PRODH: variants seen among roughly 807,000 people sequenced by gnomAD.
The protein encoded by PRODH is proline dehydrogenase 1, mitochondrial.
For missense variants in PRODH, 3 were observed against 24.1 expected (o/e 0.12, Z 1.83); for synonymous variants, 3 against 10.4 (o/e 0.29, Z 1.37).
rs113399646 is a variant in PRODH at position 18,917,340 on chromosome 22, G to A, written c.1428-352C>T. ...ACAGCTTTGCTTCTGGGGAGGGATC[G>A]TACAGTGCACCCCTGGCCCTGCAAG... On this transcript the variant is annotated intron_variant, in intron 11 of 13. Coordinates refer to ENST00000357068, the MANE Select transcript of PRODH (RefSeq NM_016335.6). 1.2e-3 allele frequency among the ~76,000 whole-genome samples: 42 copies of A among 35,948 alleles called. 14 individuals carry two copies. The highest frequency in any genetic ancestry group is 2.3e-3 in the Admixed American group (5 of 2,160). The allele number at this position is 35,948 out of a possible 152,430, so 23.6% of individuals were successfully genotyped here.
rs200018716 is a variant in PRODH, at chr22:18,918,342, G to A, written c.1401C>T (p.Tyr467=). The change falls in exon 11 of 14, where the codon TAC becomes TAT. Residue 467 remains tyrosine (Y), a synonymous_variant. Coordinates refer to ENST00000357068, the MANE Select transcript of PRODH (RefSeq NM_016335.6). ...IGYEDPINPT[Y]EATNAMYHRC... ...TGTGGTACATGGCGTTGGTGGCCTC[G>A]TACGTGGGGTTGATGGGGTCCTCAT... The A allele has an allele frequency of 1.2e-3, 269 of 215,226 alleles. 9 individuals are homozygous for A. The highest frequency in any genetic ancestry group is 7.5e-3 in the South Asian group (159 of 21,336). The allele number at this position is 215,226 out of a possible 1,614,324, so 13.3% of individuals were successfully genotyped here.
intron 2 of PRODH, among the ~76,000 whole-genome samples, chr22:18,928,005 GAGC>G (rs997890220): frequency 1.7e-4 from 7 of 40,134 alleles, no homozygotes; most frequent in African/African-American, 4.8e-4. Context: ...AGCACCCTGG[GAGC>G]AGCTGATTCA....
intron 10 of PRODH, 44 bp from the exon 11 acceptor site, chr22:18,918,535 C>T (rs1394993590): frequency 1.4e-5 from 1 of 73,538 alleles, no homozygotes; most frequent in Admixed American, 2.2e-4. Flanking sequence ...TGGGCAAGCC[C>T]AAGTGACAGC....
At chr22:18,933,267 GCTAA>G (rs746958195) in intron 1 of PRODH, among the ~76,000 whole-genome samples, 2 of 62,384 alleles carry the variant, frequency 3.2e-5, no homozygotes, top group Non-Finnish European at 6.1e-5. Flanking sequence ...ACCACACTCA[GCTAA>G]CTTTTATTTT....
At chr22:18,926,264 CG>C (rs377646852) in intron 2 of PRODH, among the ~76,000 whole-genome samples, 3 of 40,860 alleles carry the variant, frequency 7.3e-5, no homozygotes, top group African/African-American at 2.0e-4. Context: ...ATTCTTGCCC[CG>C]ACACTTCTTT....
chr22:18,933,837 C>G (rs2146222716), intron 1 of PRODH, among the ~76,000 whole-genome samples: 1 of 94,710 alleles, frequency 1.1e-5, no homozygotes, highest in Non-Finnish European at 2.6e-5. Context: ...AGCCCCACAT[C>G]TTCTTCAGGT....
intron 11 of PRODH, among the ~76,000 whole-genome samples, chr22:18,917,325 T>G (rs2540623): frequency 2.8e-5 from 1 of 36,118 alleles, no homozygotes; most frequent in African/African-American, 4.7e-5. Flanking sequence ...ACAGCTTTGC[T>G]TCTGGGGAGG....
rs1004292580 is a variant in PRODH, at chr22:18,917,001, C to T, written c.1428-13G>A. The T allele has an allele frequency of 2.0e-5, 3 of 147,588 alleles. 1 individual carries two copies. The highest frequency in any genetic ancestry group is 4.4e-5 in the Non-Finnish European group (3 of 67,896). 9.1% of individuals were successfully genotyped at this position (147,588 alleles called of 1,614,324 possible). On this transcript the variant is annotated splice_polypyrimidine_tract_variant and intron_variant, in intron 11 of 13. Transcript: ENST00000357068. Reference sequence around the variant, plus strand: ...GTAGTCCAGGCACCTGTGGAGAGTGCCATGTGAGCCCAGTTCCAGGCCTGT... The same window carrying T: ...GTAGTCCAGGCACCTGTGGAGAGTGTCATGTGAGCCCAGTTCCAGGCCTGT...
At position 18,918,367 on chromosome 22, in the gene PRODH, T is replaced by C. The variant is rs746649624; in HGVS notation, c.1376A>G (p.Tyr459Cys). The part of the protein sequence containing the change: ...QERARAAEIG[Y>C]EDPINPTYEA... ...GTACGTGGGGTTGATGGGGTCCTCA[T>C]AGCCGATCTCTGCCGCACGGGCTCG... Residue 459 changes from tyrosine (Y) to cysteine (C), a missense_variant, in exon 11 of 14, where the codon TAT (tyrosine) becomes TGT (cysteine). Transcript: ENST00000357068. The C allele has an allele frequency of 4.3e-6, 1 of 234,644 alleles. No individual in the cohort carries two copies. Among genetic ancestry groups the C allele is most frequent in the South Asian group, 4.3e-5 (1 of 23,498 alleles). The allele number at this position is 234,644 out of a possible 1,614,324, so 14.5% of individuals were successfully genotyped here.
rs111316970 is a variant in PRODH at position 18,912,941 on chromosome 22, G to A, written c.*234C>T. ...GTGGGGGCCTTGGGCCCACACATTC[G>A]AGGAGAGTTCCCAAAAGTTTCCAGT... On this transcript the variant is annotated 3_prime_UTR_variant, in exon 14 of 14. Coordinates refer to ENST00000357068, the MANE Select transcript of PRODH (RefSeq NM_016335.6). 2 of 40,738 alleles carry A rather than the reference G, an allele frequency of 4.9e-5. No homozygotes were observed. The highest frequency in any genetic ancestry group is 2.1e-4 in the African/African-American group (1 of 4,848). The allele number at this position is 40,738 out of a possible 1,614,324, so 2.5% of individuals were successfully genotyped here. A position where few individuals can be genotyped will look rare whatever the true frequency, so the allele number is the denominator to read the frequency against.
chr22:18,918,126 C>T lies in PRODH; in HGVS notation c.1427+190G>A, dbSNP rs200711708. Among the ~76,000 whole-genome samples, 7 of 116,538 alleles carry T rather than the reference C, an allele frequency of 6.0e-5. 1 individual carries two copies. The East Asian group carries it at 1.5e-3, about 24-fold the overall frequency. 76.5% of individuals were successfully genotyped at this position (116,538 alleles called of 152,430 possible). On this transcript the variant is annotated intron_variant, in intron 11 of 13. Coordinates refer to ENST00000357068, the MANE Select transcript of PRODH (RefSeq NM_016335.6). ...GGCCAATTTTGCTTTGTTCAATAGG[C>T]TTTTCTATATTTATAAAAGAATAAC... is the stretch of plus-strand genomic sequence containing the variant.
chr22:18,913,809 C>T lies in PRODH; in HGVS notation c.1527-283G>A, dbSNP rs62232347. 26 of 62,322 alleles carry T rather than the reference C, an allele frequency of 4.2e-4. 12 individuals are homozygous for T. The highest frequency in any genetic ancestry group is 1.3e-3 in the African/African-American group (16 of 12,386). The allele number at this position is 62,322 out of a possible 1,614,324, so 3.9% of individuals were successfully genotyped here. A position where few individuals can be genotyped will look rare whatever the true frequency, so the allele number is the denominator to read the frequency against. On this transcript the variant is annotated intron_variant, in intron 12 of 13. Transcript: ENST00000357068. The stretch of plus-strand genomic sequence containing the variant: ...AAGGCCTCCCACCTGCTTTCCCTCC[C>T]CTCTCCTCTCTCACCTCTCCTCTAG...
At chr22:18,915,291 AGAG>A (rs902751325) in intron 12 of PRODH, 19 of 34,778 alleles carry the variant, frequency 5.5e-4, no homozygotes, top group African/African-American at 9.2e-4. Context: ...CTTGGGGCCA[AGAG>A]GAGAGAGCCC....
chr22:18,915,315 CAG>C lies in PRODH; in HGVS notation c.1526+1573_1526+1574del, dbSNP rs1466540742. 8 of 37,084 alleles carry C rather than the reference CAG, an allele frequency of 2.2e-4. 3 individuals carry two copies. Among genetic ancestry groups the C allele is most frequent in the African/African-American group, 3.8e-4 (8 of 21,252 alleles). The allele number at this position is 37,084 out of a possible 1,614,324, so 2.3% of individuals were successfully genotyped here. On this transcript the variant is annotated intron_variant, in intron 12 of 13. Transcript: ENST00000357068. ...AAGAGGAGAGAGCCCGGCTGCCACT[CAG>C]GGGAGGGGGAAGCTGTGTCCACTGG...
chr22:18,919,295 TG>T, intron 10 of PRODH, among the ~76,000 whole-genome samples, 155 bp downstream of exon 10: 1 of 37,986 alleles, frequency 2.6e-5, no homozygotes, highest in Non-Finnish European at 6.5e-5. Context: ...AACAACCCCT[TG>T]GGGGCACGGC....
rs148185432 is a variant in PRODH, at chr22:18,933,351, C to T, written c.274-2153G>A. Among the ~76,000 whole-genome samples, 778 of 148,090 alleles carry T rather than the reference C, an allele frequency of 5.3e-3. 11 individuals are homozygous for T. Among genetic ancestry groups the T allele is most frequent in the African/African-American group, 0.018 (732 of 40,262 alleles). On this transcript the variant is annotated intron_variant, in intron 1 of 13. Coordinates refer to ENST00000357068, the MANE Select transcript of PRODH (RefSeq NM_016335.6). ...AGTGCAGTAGCACAATCTCGGCTCA[C>T]TGCAACCTCCACCTCCCAGGTTCAA...
rs1165150025 is a variant in PRODH at position 18,917,418 on chromosome 22, G to T, written c.1428-430C>A. Among the ~76,000 whole-genome samples, 11 of 34,780 alleles carry T rather than the reference G, an allele frequency of 3.2e-4. 4 individuals are homozygous for T. The highest frequency in any genetic ancestry group is 5.3e-4 in the African/African-American group (11 of 20,692). The allele number at this position is 34,780 out of a possible 152,430, so 22.8% of individuals were successfully genotyped here. A position where few individuals can be genotyped will look rare whatever the true frequency, so the allele number is the denominator to read the frequency against. ...GGGCACAGTGGGGGTGGGCATCCCG[G>T]TGCACCAGGAAGCCCGAGCAGTACG... On this transcript the variant is annotated intron_variant, in intron 11 of 13. Coordinates refer to ENST00000357068, the MANE Select transcript of PRODH (RefSeq NM_016335.6).
intron 11 of PRODH, among the ~76,000 whole-genome samples, 194 bp downstream of exon 11, chr22:18,918,122 T>C (rs2081941163): frequency 8.5e-6 from 1 of 117,088 alleles, no homozygotes; most frequent in Non-Finnish European, 2.0e-5. Flanking sequence ...CTTTGTTCAA[T>C]AGGCTTTTCT....
rs2081937311 is a variant in PRODH at position 18,917,385 on chromosome 22, TCCCTGTAGGG to T, written c.1428-407_1428-398del. On this transcript the variant is annotated intron_variant, in intron 11 of 13. Transcript: ENST00000357068. ...TGCAAGGAAATAAAAGGGAAGCAGG[TCCCTGTAGGG>T]CACAGTGGGGGTGGGCATCCCGGTG... Among the ~76,000 whole-genome samples, 4 of 35,160 alleles carry T rather than the reference TCCCTGTAGGG, an allele frequency of 1.1e-4. 2 individuals carry two copies. Among genetic ancestry groups the T allele is most frequent in the African/African-American group, 1.9e-4 (4 of 20,858 alleles). 23.1% of individuals were successfully genotyped at this position (35,160 alleles called of 152,430 possible).
Sources: allele counts gnomAD v4.1 joint callset (sites outside exome capture counted in the v4.1 genomes callset), GRCh38; gene constraint gnomAD v4.1.1; transcripts MANE v1.5; gene names NCBI Gene and HGNC (gene_info 2026-07-23, HGNC 2026-07-21).